TM2D1: variants seen among roughly 807,000 people sequenced by gnomAD.
TM2D1 encodes the protein TM2 domain-containing protein 1.
In TM2D1, 15 loss-of-function variants were observed where a neutral mutation model predicts 28.4. The observed-to-expected ratio is 0.53, with a 90% CI of 0.35 to 0.81. The LOEUF is 0.81. Ranked by LOEUF, TM2D1 falls within the 40% of genes least tolerant of loss-of-function variation. TM2D1 has a pLI of 0.01. For missense variants in TM2D1, 236 were observed against 254.9 expected, an observed-to-expected ratio of 0.93 and a Z score of 0.50; for synonymous variants, 93 against 96.2, an observed-to-expected ratio of 0.97 and a Z score of 0.20.
rs1248751865 is a variant in TM2D1 at position 61,692,320 on chromosome 1, T to C, written c.513+2377A>G. Among the ~76,000 whole-genome samples, 5 of 152,070 alleles carry C rather than the reference T, an allele frequency of 3.3e-5. No homozygotes were observed. The East Asian group carries it at 7.7e-4, about 23-fold the overall frequency. On this transcript the variant is annotated intron_variant, in intron 5 of 6. Transcript: ENST00000606498. ...ATTGTTTCTGTTCAAAGACAAACTATAACTAGACTACAGTATGTTTTTATA... is the reference window on the plus strand; with the variant it reads ...ATTGTTTCTGTTCAAAGACAAACTACAACTAGACTACAGTATGTTTTTATA...
chr1:61,704,052 A>C (rs1315521), intron 3 of TM2D1, among the ~76,000 whole-genome samples: 2 of 149,390 alleles, frequency 1.3e-5, no homozygotes, highest in Non-Finnish European at 3.0e-5. Flanking sequence ...CACCACATCC[A>C]GCTAATTTTT....
intron 3 of TM2D1, among the ~76,000 whole-genome samples, chr1:61,701,556 CGTGTGTGTGTGTGTGTGT>C (rs60257971): frequency 1.4e-5 from 2 of 145,842 alleles, no homozygotes; most frequent in Non-Finnish European, 3.0e-5. Context: ...AATTCTCTTT[CGTGTGTGTGTGTGTGTGT>C]GTGTGTGTGT....
chr1:61,690,476 A>C (rs1644316104), intron 5 of TM2D1, among the ~76,000 whole-genome samples: 1 of 151,196 alleles, frequency 6.6e-6, no homozygotes, highest in Non-Finnish European at 1.5e-5. Flanking sequence ...AAAAAAAAAA[A>C]AAAAACACAA....
chr1:61,719,553 C>T (rs1193535396), intron 2 of TM2D1, among the ~76,000 whole-genome samples: 2 of 151,808 alleles, frequency 1.3e-5, no homozygotes, highest in East Asian at 1.9e-4. Flanking sequence ...AGTGCAGTGG[C>T]GCAATCTTGG....
intron 3 of TM2D1, among the ~76,000 whole-genome samples, chr1:61,708,220 G>A (rs894182648): frequency 6.6e-5 from 10 of 151,954 alleles, no homozygotes; most frequent in Non-Finnish European, 1.0e-4. Context: ...GCTAATTTTT[G>A]TATTTTTTTG....
At chr1:61,719,966 A>C (rs981993560) in intron 2 of TM2D1, among the ~76,000 whole-genome samples, 2 of 152,260 alleles carry the variant, frequency 1.3e-5, no homozygotes, top group African/African-American at 4.8e-5. Flanking sequence ...ATAAAAGACT[A>C]TGAAGAGGGC....
chr1:61,691,954 T>A (rs1432076920), intron 5 of TM2D1, among the ~76,000 whole-genome samples: 2 of 135,708 alleles, frequency 1.5e-5, no homozygotes, highest in East Asian at 2.3e-4. Context: ...TATATATATA[T>A]ATATATGTAT....
chr1:61,691,410 G>A (rs542092259), intron 5 of TM2D1, among the ~76,000 whole-genome samples: 2 of 146,448 alleles, frequency 1.4e-5, no homozygotes, highest in African/African-American at 5.0e-5. Flanking sequence ...CAGAAGAATC[G>A]CTTGAACCTG....
intron 3 of TM2D1, among the ~76,000 whole-genome samples, chr1:61,703,190 A>G (rs1644415292): frequency 6.6e-6 from 1 of 151,148 alleles, no homozygotes; most frequent in Non-Finnish European, 1.5e-5. Context: ...GTCACTGTGC[A>G]AAGCTCTCCC....
At chr1:61,688,139 T>C (rs556164256) in intron 5 of TM2D1, among the ~76,000 whole-genome samples, 1 of 152,296 alleles carries the variant, frequency 6.6e-6, no homozygotes, top group African/African-American at 2.4e-5. Context: ...CACTATTCTT[T>C]AAGGAATGAA....
chr1:61,701,204 A>G (rs575157285), intron 3 of TM2D1, among the ~76,000 whole-genome samples, 179 bp from the exon 4 acceptor site: 1 of 152,000 alleles, frequency 6.6e-6, no homozygotes, highest in Admixed American at 6.6e-5. Flanking sequence ...AAAAGCAACA[A>G]AGATCCCTAT....
chr1:61,708,129 A>G (rs1010571079), intron 3 of TM2D1, among the ~76,000 whole-genome samples: 5 of 151,960 alleles, frequency 3.3e-5, no homozygotes, highest in Admixed American at 3.3e-4. Context: ...GCTCACTACA[A>G]CCTCAAACTC....
chr1:61,701,666 T>C (rs1021370615), intron 3 of TM2D1, among the ~76,000 whole-genome samples: 40 of 152,040 alleles, frequency 2.6e-4, no homozygotes, highest in Non-Finnish European at 4.6e-4. Context: ...TGTTTATGTG[T>C]CTAACGTTAT....
chr1:61,717,401 G>A (rs1644530159), intron 2 of TM2D1, among the ~76,000 whole-genome samples: 1 of 151,960 alleles, frequency 6.6e-6, no homozygotes, highest in East Asian at 1.9e-4. Context: ...ATCAGTAAAT[G>A]TTACCTAGTA....
intron 5 of TM2D1, among the ~76,000 whole-genome samples, chr1:61,693,626 C>A (rs1396238569): frequency 6.6e-6 from 1 of 152,124 alleles, no homozygotes; most frequent in Non-Finnish European, 1.5e-5. Context: ...CAAATATTTT[C>A]CTTGTTTAAT....
intron 4 of TM2D1, chr1:61,700,176 T>A: frequency 2.6e-6 from 4 of 1,526,944 alleles, no homozygotes; most frequent in Non-Finnish European, 3.5e-6. Flanking sequence ...AATTTTCCTA[T>A]CCATAAAACA....
intron 5 of TM2D1, among the ~76,000 whole-genome samples, chr1:61,693,391 A>G (rs1393899627): frequency 6.6e-6 from 1 of 152,228 alleles, no homozygotes; most frequent in Admixed American, 6.5e-5. Flanking sequence ...TAAATGGTTC[A>G]GTTTCAAAGA....
rs201857730 is a variant in TM2D1 at position 61,723,706 on chromosome 1, G to C, written c.238+7C>G. On this transcript the variant is annotated splice_region_variant and intron_variant, in intron 2 of 6. Coordinates refer to ENST00000606498, the MANE Select transcript of TM2D1 (RefSeq NM_032027.3). ...TATTTTTAAAGACATGTTTCTTGAA[G>C]TCTTACCATGAGCTGTGTAGTTTGT... 515 of 1,456,032 alleles carry C rather than the reference G, an allele frequency of 3.5e-4. No individual in the cohort carries two copies. The highest frequency in any genetic ancestry group is 2.5e-4 in the Non-Finnish European group (269 of 1,076,244). The allele number at this position is 1,456,032 out of a possible 1,614,324, so 90.2% of individuals were successfully genotyped here. A position where few individuals can be genotyped will look rare whatever the true frequency, so the allele number is the denominator to read the frequency against.
At chr1:61,709,533 C>T (rs1644463009) in intron 2 of TM2D1, 96 bp from the exon 3 acceptor site, 3 of 808,382 alleles carry the variant, frequency 3.7e-6, no homozygotes, top group Middle Eastern at 2.6e-4. Flanking sequence ...TAACAAACTA[C>T]CTCCCAATAT....
Sources: allele counts gnomAD v4.1 joint callset (sites outside exome capture counted in the v4.1 genomes callset), GRCh38; gene constraint gnomAD v4.1.1; transcripts MANE v1.5; gene names NCBI Gene and HGNC (gene_info 2026-07-23, HGNC 2026-07-21).